The following MGARP variants were observed in gnomAD, a reference collection of about 807,000 sequenced individuals.
The protein encoded by MGARP is protein MGARP.
A neutral mutation model predicts 11.0 loss-of-function variants in MGARP; 12 were observed. The observed-to-expected ratio is 1.09, with a 90% CI of 0.70 to 1.77. The LOEUF is 1.77. Ranked by LOEUF, MGARP falls within the 40% of genes most tolerant of loss-of-function variation. MGARP has a pLI of 0.00. For synonymous variants in MGARP, 110 were observed against 115.4 expected (o/e 0.95, Z 0.30); for missense variants, 283 against 297.8 (o/e 0.95, Z 0.36).
In MGARP at chr4:139,266,802, C is replaced by G; in HGVS notation, c.520G>C (p.Glu174Gln). 1 of 1,614,162 alleles carries G rather than the reference C, an allele frequency of 6.2e-7. No homozygotes were observed. The highest frequency in any genetic ancestry group is 2.2e-5 in the East Asian group (1 of 44,886). ...AARETTEVNP[E>Q]TTPEVTNAAL... ...GCATTTGTAACCTCTGGGGTTGTTT[C>G]AGGGTTTACTTCCGTGGTTTCCCTC... Residue 174 changes from glutamate (E) to glutamine (Q), a missense_variant, in exon 4 of 4, where the codon GAA (glutamate) becomes CAA (glutamine). Transcript: ENST00000398955.
intron 1 of MGARP, among the ~76,000 whole-genome samples, chr4:139,278,224 T>C (rs2110735018): frequency 6.6e-6 from 1 of 152,156 alleles, no homozygotes; most frequent in Admixed American, 6.5e-5. Context: ...TGAAACTCTG[T>C]CTCAAAAAAA....
chr4:139,276,315 G>A (rs1744873129), intron 1 of MGARP, among the ~76,000 whole-genome samples: 1 of 151,910 alleles, frequency 6.6e-6, no homozygotes, highest in Admixed American at 6.6e-5. Flanking sequence ...CTAGAAGGAG[G>A]GTATGAACAT....
In MGARP at chr4:139,266,897, T is replaced by C. The variant is rs370127192; in HGVS notation, c.425A>G (p.His142Arg). 15 of 1,614,096 alleles carry C rather than the reference T, an allele frequency of 9.3e-6. No homozygotes were observed. Among genetic ancestry groups the C allele is most frequent in the Non-Finnish European group, 1.2e-5 (14 of 1,180,052 alleles). ...VIKEASACPG[H>R]VEAAPETTAV... ...TGTGGTCTCCGGAGCAGCCTCCACG[T>C]GACCTGGACAGGCAGATGCCTCTTT... The change falls in exon 4 of 4, where the codon CAC becomes CGC. Residue 142 changes from histidine to arginine, a missense_variant. Transcript: ENST00000398955.
intron 2 of MGARP, among the ~76,000 whole-genome samples, chr4:139,270,853 T>C (rs1744770274): frequency 6.6e-6 from 1 of 152,156 alleles, no homozygotes. Flanking sequence ...GATAAGTCAG[T>C]ATCCCCAGTT....
chr4:139,274,759 A>T (rs1336982674), intron 2 of MGARP, among the ~76,000 whole-genome samples: 1 of 152,224 alleles, frequency 6.6e-6, no homozygotes, highest in Non-Finnish European at 1.5e-5. Context: ...CTGGGATTAC[A>T]GGCGTGAGCC....
At position 139,266,925 on chromosome 4, in the gene MGARP, T is replaced by C. The variant is rs35809233; in HGVS notation, c.397A>G (p.Ile133Val). The C allele has an allele frequency of 1.4e-3, 2,217 of 1,614,216 alleles. 26 individuals carry two copies. The African/African-American group carries it at 0.027, about 19-fold the overall frequency. Residue 133 changes from isoleucine (I) to valine (V), a missense_variant, in exon 4 of 4, where the codon ATA becomes GTA. By Grantham distance (29) the Ile-to-Val change is conservative (BLOSUM62 3). Coordinates refer to ENST00000398955, the MANE Select transcript of MGARP (RefSeq NM_032623.4). The part of the protein sequence containing the change: ...EESPSATVVV[I>V]KEASACPGHV... ...CCTGGACAGGCAGATGCCTCTTTTA[T>C]GACCACAACTGTAGCACTGGGACTT... is the stretch of plus-strand genomic sequence containing the variant.
At chr4:139,272,720 C>T (rs1263233463) in intron 2 of MGARP, among the ~76,000 whole-genome samples, 1 of 130,086 alleles carries the variant, frequency 7.7e-6, no homozygotes, top group African/African-American at 2.9e-5. Context: ...CGGAGTCTCA[C>T]TCTGTCACCC....
At position 139,277,467 on chromosome 4, in the gene MGARP, A is replaced by G. The variant is rs568892511; in HGVS notation, c.83-2075T>C. On this transcript the variant is annotated intron_variant, in intron 1 of 3. Coordinates refer to ENST00000398955, the MANE Select transcript of MGARP (RefSeq NM_032623.4). ...CAAATAGGGAATATATAGCCTTCAT[A>G]TTTCTCAAACAGACAAAAATATCAG... Among the ~76,000 whole-genome samples, 20 of 152,332 alleles carry G rather than the reference A, an allele frequency of 1.3e-4. No individual in the cohort carries two copies. In the East Asian group the frequency reaches 3.3e-3, roughly 25 times the overall value.
At chr4:139,271,986 G>T (rs1744789301) in intron 2 of MGARP, among the ~76,000 whole-genome samples, 1 of 151,966 alleles carries the variant, frequency 6.6e-6, no homozygotes, top group Non-Finnish European at 1.5e-5. Context: ...ATAATCAGGG[G>T]TATAGTGATG....
intron 2 of MGARP, among the ~76,000 whole-genome samples, chr4:139,270,557 A>C (rs1366985214): frequency 6.8e-6 from 1 of 147,776 alleles, no homozygotes; most frequent in Non-Finnish European, 1.5e-5. Context: ...TGCAGTGAGC[A>C]GAGATCGTAC....
At chr4:139,279,433 C>A (rs957862399) in intron 1 of MGARP, among the ~76,000 whole-genome samples, 1 of 152,202 alleles carries the variant, frequency 6.6e-6, no homozygotes, top group African/African-American at 2.4e-5. Flanking sequence ...GGACGACGTG[C>A]AACCTCAAAG....
In MGARP at chr4:139,270,248, C is replaced by T. The variant is rs188067020; in HGVS notation, c.187-1483G>A. On this transcript the variant is annotated intron_variant, in intron 2 of 3. Coordinates refer to ENST00000398955, the MANE Select transcript of MGARP (RefSeq NM_032623.4). ...CCTGTAGGCAGAGGTTGCAGTGAGC[C>T]GAGATCGCACCATTGCATTCCAGCC... 5.9e-5 allele frequency among the ~76,000 whole-genome samples: 8 copies of T among 134,490 alleles called. No individual in the cohort carries two copies. In the Admixed American group the frequency reaches 6.2e-4, roughly 10 times the overall value. 88.2% of individuals were successfully genotyped at this position (134,490 alleles called of 152,430 possible).
At chr4:139,279,474 G>C (rs1412875527) in intron 1 of MGARP, among the ~76,000 whole-genome samples, 1 of 152,136 alleles carries the variant, frequency 6.6e-6, no homozygotes, top group East Asian at 1.9e-4. Flanking sequence ...TTCCTTTTTG[G>C]GGGTTGTGGA....
chr4:139,273,898 C>A (rs950732659), intron 2 of MGARP, among the ~76,000 whole-genome samples: 14 of 152,154 alleles, frequency 9.2e-5, no homozygotes, highest in South Asian at 2.1e-4. Flanking sequence ...ACTTACTTAA[C>A]TAAAAAATGT....
At position 139,280,172 on chromosome 4, in the gene MGARP, C is replaced by T. The variant is rs761897008; in HGVS notation, c.-14G>A. ...GCGGAGATACATCGCGCCCGCTGTCCGCCGCGCAGCAGCCTCGGTACCCAG... is the reference window on the plus strand; with the variant it reads ...GCGGAGATACATCGCGCCCGCTGTCTGCCGCGCAGCAGCCTCGGTACCCAG... On this transcript the variant is annotated 5_prime_UTR_variant, in exon 1 of 4. Transcript: ENST00000398955. The T allele has an allele frequency of 6.2e-7, 1 of 1,603,772 alleles. No homozygotes were observed. Among genetic ancestry groups the T allele is most frequent in the South Asian group, 1.1e-5 (1 of 90,184 alleles).
At chr4:139,269,190 GA>G (rs376720341) in intron 2 of MGARP, among the ~76,000 whole-genome samples, 10 of 151,906 alleles carry the variant, frequency 6.6e-5, no homozygotes, top group Non-Finnish European at 1.3e-4. Flanking sequence ...AAACAAGGAA[GA>G]AAAAAATGAA....
At position 139,277,674 on chromosome 4, in the gene MGARP, T is replaced by A. The variant is rs1168102936; in HGVS notation, c.83-2282A>T. Among the ~76,000 whole-genome samples the A allele has an allele frequency of 2.6e-5, 4 of 152,254 alleles. No homozygotes were observed. In the East Asian group the frequency reaches 7.7e-4, roughly 29 times the overall value. On this transcript the variant is annotated intron_variant, in intron 1 of 3. Transcript: ENST00000398955. Reference sequence around the variant, plus strand: ...AATAGACATAACTTTTGCAGAACAATATTTACTTACATGAGAAAATATTTA... The same window carrying A: ...AATAGACATAACTTTTGCAGAACAAAATTTACTTACATGAGAAAATATTTA...
intron 3 of MGARP, among the ~76,000 whole-genome samples, chr4:139,268,066 A>G (rs572932400): frequency 2.0e-5 from 3 of 150,044 alleles, no homozygotes; most frequent in East Asian, 4.1e-4. Context: ...GCAGTAGGCT[A>G]TGATTGCACC....
intron 1 of MGARP, among the ~76,000 whole-genome samples, chr4:139,276,143 C>A (rs1481338883): frequency 2.6e-5 from 4 of 152,114 alleles, no homozygotes; most frequent in Non-Finnish European, 4.4e-5. Flanking sequence ...AAAGTATATA[C>A]AACTCAAATT....
Sources: allele counts gnomAD v4.1 joint callset (sites outside exome capture counted in the v4.1 genomes callset), GRCh38; gene constraint gnomAD v4.1.1; transcripts MANE v1.5; gene names NCBI Gene and HGNC (gene_info 2026-07-23, HGNC 2026-07-21).